The following THSD7B variants were observed in gnomAD, a reference collection of about 807,000 sequenced individuals.
THSD7B encodes the protein thrombospondin type-1 domain-containing protein 7B.
THSD7B carries 138 observed loss-of-function variants against 213.6 expected under a neutral mutation model. That is an observed-to-expected ratio of 0.65 (90% CI 0.56 to 0.74). The LOEUF (loss-of-function observed/expected upper bound fraction) is 0.74, where lower values mean the gene tolerates loss of function less well. Among genes scored for constraint, THSD7B ranks in the 30% least tolerant of loss-of-function variants. The pLI is 0.00. For missense variants in THSD7B, 1,931 were observed against 1,991.5 expected (o/e 0.97, Z 0.58); for synonymous variants, 742 against 687.0 (o/e 1.08, Z -1.25).
chr2:137,106,469 C>T (rs948693524), intron 4 of THSD7B, among the ~76,000 whole-genome samples: 6 of 152,046 alleles, frequency 3.9e-5, no homozygotes, highest in Non-Finnish European at 5.9e-5. Context: ...CGATAGCATT[C>T]GGGACATAGG....
At chr2:137,501,046 G>A (rs1372987446) in intron 15 of THSD7B, among the ~76,000 whole-genome samples, 1 of 152,130 alleles carries the variant, frequency 6.6e-6, no homozygotes, top group African/African-American at 2.4e-5. Flanking sequence ...AAAAGCAAGT[G>A]CATGGCAGGG....
intron 15 of THSD7B, among the ~76,000 whole-genome samples, chr2:137,488,930 G>T (rs1251637257): frequency 1.3e-5 from 2 of 152,174 alleles, no homozygotes; most frequent in Admixed American, 6.5e-5. Flanking sequence ...CCCCACTGCT[G>T]TGTACATTCT....
In THSD7B at chr2:137,668,495, A is replaced by G. The variant is rs1480547034; in HGVS notation, c.4739+634A>G. On this transcript the variant is annotated intron_variant, in intron 27 of 27. Coordinates refer to ENST00000409968, the MANE Select transcript of THSD7B (RefSeq NM_001316349.2). ...AGTGACTAGTTCTGAGAATTTATTA[A>G]TCTCAGAAAATAATAACTAGTTTAT... 4.0e-5 allele frequency among the ~76,000 whole-genome samples: 6 copies of G among 151,870 alleles called. No homozygotes were observed. In the East Asian group the frequency reaches 9.7e-4, roughly 24 times the overall value.
intron 27 of THSD7B, among the ~76,000 whole-genome samples, chr2:137,672,356 T>C (rs1039544271): frequency 4.6e-5 from 7 of 152,196 alleles, no homozygotes; most frequent in Non-Finnish European, 1.0e-4. Context: ...CCCTAGAGTT[T>C]GCCTATCCCT....
intron 15 of THSD7B, among the ~76,000 whole-genome samples, chr2:137,554,228 C>A (rs116273179): frequency 6.6e-6 from 1 of 152,186 alleles, no homozygotes; most frequent in Non-Finnish European, 1.5e-5. Context: ...AAGTGAGGAG[C>A]GTTTAGCAAC....
intron 2 of THSD7B, among the ~76,000 whole-genome samples, chr2:136,969,504 C>T (rs186334355): frequency 5.3e-5 from 8 of 152,204 alleles, no homozygotes; most frequent in African/African-American, 1.9e-4. Flanking sequence ...TGTAGAATCT[C>T]GAAAATATTT....
At chr2:137,200,586 A>G (rs1680854997) in intron 7 of THSD7B, among the ~76,000 whole-genome samples, 1 of 152,134 alleles carries the variant, frequency 6.6e-6, no homozygotes, top group Admixed American at 6.6e-5. Flanking sequence ...AAATAAATAG[A>G]AATTCCTGAC....
chr2:136,939,923 G>A (rs1684792138), intron 2 of THSD7B, among the ~76,000 whole-genome samples: 1 of 148,334 alleles, frequency 6.7e-6, no homozygotes, highest in Non-Finnish European at 1.5e-5. Context: ...GAAGTACCAA[G>A]TGGTGACACA....
At chr2:137,242,395 G>A (rs1681930225) in intron 9 of THSD7B, 62 bp from the exon 10 acceptor site, 1 of 1,311,760 alleles carries the variant, frequency 7.6e-7, no homozygotes, top group Non-Finnish European at 1.1e-6. Context: ...AAATCCTATA[G>A]TTCTGCGTTC....
At chr2:137,225,454 A>T (rs915863305) in intron 7 of THSD7B, among the ~76,000 whole-genome samples, 1 of 152,192 alleles carries the variant, frequency 6.6e-6, no homozygotes, top group African/African-American at 2.4e-5. Flanking sequence ...TATATGTGAG[A>T]TATGAACCAG....
rs546001163 is a variant in THSD7B at position 137,146,474 on chromosome 2, T to TA, written c.1370-13731dup. Among the ~76,000 whole-genome samples the TA allele has an allele frequency of 1.2e-3, 185 of 151,816 alleles. 2 individuals are homozygous for TA. In the South Asian group the frequency reaches 0.025, roughly 21 times the overall value. ...GGAATCATAAAATCTTGGACAGATTTAAAAAAAACACTTCAGTTGTCTCAC... is the reference window on the plus strand; with the variant it reads ...GGAATCATAAAATCTTGGACAGATTTAAAAAAAAACACTTCAGTTGTCTCAC... On this transcript the variant is annotated intron_variant, in intron 5 of 27. Coordinates refer to ENST00000409968, the MANE Select transcript of THSD7B (RefSeq NM_001316349.2).
At chr2:137,615,503 A>G (rs529386681) in intron 17 of THSD7B, among the ~76,000 whole-genome samples, 39 of 152,320 alleles carry the variant, frequency 2.6e-4, no homozygotes, top group African/African-American at 9.4e-4. Context: ...TGGGTCAAGA[A>G]CATTATAGGA....
intron 1 of THSD7B, among the ~76,000 whole-genome samples, chr2:136,809,609 G>T (rs1400940467): frequency 6.6e-6 from 1 of 152,190 alleles, no homozygotes; most frequent in African/African-American, 2.4e-5. Context: ...ATGGATCACA[G>T]AGGAACAACA....
chr2:137,084,629 G>A (rs1687804583), intron 3 of THSD7B, among the ~76,000 whole-genome samples: 2 of 152,220 alleles, frequency 1.3e-5, no homozygotes, highest in East Asian at 3.9e-4. Flanking sequence ...ATCACCTTGG[G>A]CTACCCTCCT....
At chr2:136,992,263 T>G (rs1412303545) in intron 2 of THSD7B, among the ~76,000 whole-genome samples, 1 of 152,252 alleles carries the variant, frequency 6.6e-6, no homozygotes, top group Non-Finnish European at 1.5e-5. Context: ...TAGATAAAAT[T>G]TGTTCTCTTA....
In THSD7B at chr2:136,844,081, G is replaced by T. The variant is rs567924487; in HGVS notation, c.-35-38063G>T. Among the ~76,000 whole-genome samples, 10 of 152,204 alleles carry T rather than the reference G, an allele frequency of 6.6e-5. 1 individual carries two copies. Among genetic ancestry groups the T allele is most frequent in the African/African-American group, 2.4e-4 (10 of 41,514 alleles). On this transcript the variant is annotated intron_variant, in intron 1 of 27. Transcript: ENST00000409968. ...CCTTTAGGCAGAGCTTTGTGATTTT[G>T]ATCTTTTTCAGATGTTGGGCCTGTA...
chr2:137,028,167 C>G (rs1686588862), intron 2 of THSD7B, among the ~76,000 whole-genome samples: 1 of 152,098 alleles, frequency 6.6e-6, no homozygotes, highest in African/African-American at 2.4e-5. Context: ...GGTGTCAAAG[C>G]AATGCAGTCG....
intron 3 of THSD7B, among the ~76,000 whole-genome samples, chr2:137,080,721 T>C (rs1437151819): frequency 1.3e-5 from 2 of 152,102 alleles, no homozygotes; most frequent in African/African-American, 4.8e-5. Flanking sequence ...TCTTCCATGT[T>C]TTAGGTCTGT....
chr2:136,903,442 T>G (rs1573700733), intron 2 of THSD7B, among the ~76,000 whole-genome samples: 2 of 152,226 alleles, frequency 1.3e-5, no homozygotes, highest in African/African-American at 4.8e-5. Context: ...GTTGTTTGTT[T>G]GCTTGCTTGC....
Sources: allele counts gnomAD v4.1 joint callset (sites outside exome capture counted in the v4.1 genomes callset), GRCh38; gene constraint gnomAD v4.1.1; transcripts MANE v1.5; gene names NCBI Gene and HGNC (gene_info 2026-07-23, HGNC 2026-07-21).